PHF20: variants seen among roughly 807,000 people sequenced by gnomAD.
PHF20 encodes the protein PHD finger protein 20, also known as glioma-expressed antigen 2.
In PHF20, 23 loss-of-function variants were observed where a neutral mutation model predicts 113.5. The ratio of observed to expected loss-of-function variants is 0.20; its 90% CI spans 0.15 to 0.29. The LOEUF is 0.29. PHF20 is among the 10% of genes least tolerant of loss of function. PHF20 has a pLI of 1.00. For synonymous variants in PHF20, 434 were observed against 457.3 expected (o/e 0.95, Z 0.65); for missense variants, 943 against 1,219.6 (o/e 0.77, Z 3.38).
chr20:35,853,050 C>T (rs1600828319), intron 4 of PHF20, among the ~76,000 whole-genome samples: 2 of 149,796 alleles, frequency 1.3e-5, no homozygotes, highest in Non-Finnish European at 3.0e-5. Context: ...TGGTGAAACC[C>T]GTCTCTACTA....
chr20:35,825,244 A>T (rs1434302489), intron 2 of PHF20, among the ~76,000 whole-genome samples: 1 of 151,792 alleles, frequency 6.6e-6, no homozygotes, highest in African/African-American at 2.4e-5. Flanking sequence ...CTGGACTCAA[A>T]CTCCTGGGCT....
rs34412788 is a variant in PHF20 at position 35,904,277 on chromosome 20, ATTTT to A, written c.1561+4651_1561+4654del. Among the ~76,000 whole-genome samples, 58 of 98,916 alleles carry A rather than the reference ATTTT, an allele frequency of 5.9e-4. 1 individual carries two copies. Among genetic ancestry groups the A allele is most frequent in the Middle Eastern group, 0.014 (2 of 140 alleles). The allele number at this position is 98,916 out of a possible 152,430, so 64.9% of individuals were successfully genotyped here. A position where few individuals can be genotyped will look rare whatever the true frequency, so the allele number is the denominator to read the frequency against. Reference sequence around the variant, plus strand: ...TACCCCCTTTATGCTGAATGCTCTGATTTTTTTTTTTTTTTTTTTTTTTTTGAGA... The same window carrying A: ...TACCCCCTTTATGCTGAATGCTCTGATTTTTTTTTTTTTTTTTTTTTGAGA... On this transcript the variant is annotated intron_variant, in intron 10 of 17. Coordinates refer to ENST00000374012, the MANE Select transcript of PHF20 (RefSeq NM_016436.5).
intron 5 of PHF20, among the ~76,000 whole-genome samples, chr20:35,859,684 C>T (rs1160296708): frequency 6.6e-6 from 1 of 151,804 alleles, no homozygotes; most frequent in Non-Finnish European, 1.5e-5. Flanking sequence ...GTAGCTGAGA[C>T]TAGGCGCGTG....
intron 1 of PHF20, among the ~76,000 whole-genome samples, chr20:35,799,925 A>C (rs2041746472): frequency 6.6e-6 from 1 of 152,144 alleles, no homozygotes; most frequent in African/African-American, 2.4e-5. Context: ...TCGGCTTCCC[A>C]AAGTGTTGGG....
At chr20:35,791,661 G>C (rs1406844968) in intron 1 of PHF20, among the ~76,000 whole-genome samples, 5 of 151,308 alleles carry the variant, frequency 3.3e-5, no homozygotes, top group African/African-American at 4.9e-5. Flanking sequence ...TTTGGATCTG[G>C]GGAAGGTATA....
chr20:35,929,359 C>T lies in PHF20; in HGVS notation c.2104+1480C>T, dbSNP rs1474388663. Among the ~76,000 whole-genome samples the T allele has an allele frequency of 2.0e-5, 3 of 152,254 alleles. No homozygotes were observed. In the East Asian group the frequency reaches 5.8e-4, roughly 29 times the overall value. Reference sequence around the variant, plus strand: ...TGACACTGTCTCCTTGTACTAGAAGCATCTGCCTCCACTTGTCCCTTTATC... The same window carrying T: ...TGACACTGTCTCCTTGTACTAGAAGTATCTGCCTCCACTTGTCCCTTTATC... On this transcript the variant is annotated intron_variant, in intron 14 of 17. Coordinates refer to ENST00000374012, the MANE Select transcript of PHF20 (RefSeq NM_016436.5).
chr20:35,947,333 ATGG>A, intron 17 of PHF20, 149 bp from the exon 18 acceptor site: 1 of 644,032 alleles, frequency 1.6e-6, no homozygotes, highest in South Asian at 2.5e-5. Flanking sequence ...GCTGGCTGAA[ATGG>A]CCCTTCCTCC....
chr20:35,788,408 T>C (rs2041469218), intron 1 of PHF20, among the ~76,000 whole-genome samples: 1 of 151,968 alleles, frequency 6.6e-6, no homozygotes, highest in African/African-American at 2.4e-5. Context: ...TTTTTTTTAT[T>C]TTTTGTAGAG....
At chr20:35,915,050 T>A (rs1205974265) in intron 12 of PHF20, among the ~76,000 whole-genome samples, 1 of 145,702 alleles carries the variant, frequency 6.9e-6, no homozygotes, top group Admixed American at 6.9e-5. Flanking sequence ...GTAAAATGTT[T>A]TATATATATA....
In PHF20 at chr20:35,863,014, A is replaced by G. The variant is rs766144678; in HGVS notation, c.422A>G (p.Asn141Ser). 19 of 1,558,778 alleles carry G rather than the reference A, an allele frequency of 1.2e-5. No individual in the cohort carries two copies. In the African/African-American group the frequency reaches 1.4e-4, roughly 11 times the overall value. ...IHVKAFSKDQNIVGNARPKET... is the reference protein window; with the variant it reads ...IHVKAFSKDQSIVGNARPKET... The stretch of plus-strand genomic sequence containing the variant: ...TCATCGCTATTTTGCTCATTTTAGA[A>G]TATTGTGGGTAATGCTAGGCCTAAA... The change falls in exon 6 of 18, where the codon AAT becomes AGT. Residue 141 changes from asparagine (N) to serine (S), a missense_variant and splice_region_variant. Physicochemically the swap from Asn to Ser is conservative, Grantham distance 46 (BLOSUM62 1). Around this residue, in one of 3 missense-constraint regions of PHF20, gnomAD observed 592 missense variants for 787.2 expected, o/e 0.75. Transcript: ENST00000374012.
At chr20:35,808,012 G>A (rs1243835405) in intron 2 of PHF20, among the ~76,000 whole-genome samples, 1 of 152,042 alleles carries the variant, frequency 6.6e-6, no homozygotes, top group Non-Finnish European at 1.5e-5. Flanking sequence ...ATATGAAGGG[G>A]GAAAAGGGTG....
chr20:35,783,958 C>G (rs2041355028), intron 1 of PHF20, among the ~76,000 whole-genome samples: 1 of 151,942 alleles, frequency 6.6e-6, no homozygotes, highest in South Asian at 2.1e-4. Flanking sequence ...GCACTCTAGC[C>G]TGGGCAACAA....
intron 16 of PHF20, among the ~76,000 whole-genome samples, 165 bp downstream of exon 16, chr20:35,939,273 G>T (rs1472904922): frequency 6.6e-6 from 1 of 152,164 alleles, no homozygotes; most frequent in East Asian, 1.9e-4. Flanking sequence ...AGTCAGGAGA[G>T]CCCACTTAAG....
intron 9 of PHF20, among the ~76,000 whole-genome samples, chr20:35,886,152 T>C (rs2054727235): frequency 6.6e-6 from 1 of 151,720 alleles, no homozygotes; most frequent in African/African-American, 2.4e-5. Flanking sequence ...TTTTTTTTTT[T>C]TTTTGAGACA....
chr20:35,942,529 G>A (rs2056002665), intron 17 of PHF20, among the ~76,000 whole-genome samples: 1 of 152,142 alleles, frequency 6.6e-6, no homozygotes, highest in Admixed American at 6.5e-5. Context: ...TCTTCAGCCA[G>A]GTTTGGCCTC....
At chr20:35,776,352 G>C (rs1480625941) in intron 1 of PHF20, among the ~76,000 whole-genome samples, 1 of 152,100 alleles carries the variant, frequency 6.6e-6, no homozygotes, top group Non-Finnish European at 1.5e-5. Context: ...TATGTTCCCC[G>C]ACCTCGAATG....
intron 2 of PHF20, among the ~76,000 whole-genome samples, chr20:35,809,945 T>C (rs1401708295): frequency 6.6e-6 from 1 of 152,198 alleles, no homozygotes; most frequent in African/African-American, 2.4e-5. Context: ...TATTTATTTT[T>C]TGAGACGGAG....
intron 15 of PHF20, among the ~76,000 whole-genome samples, chr20:35,936,596 T>G (rs182522894): frequency 6.6e-6 from 1 of 152,322 alleles, no homozygotes; most frequent in African/African-American, 2.4e-5. Flanking sequence ...ACAAACTTTT[T>G]TCTTTGGAAT....
At chr20:35,853,090 C>T (rs1208302032) in intron 4 of PHF20, among the ~76,000 whole-genome samples, 4 of 150,262 alleles carry the variant, frequency 2.7e-5, no homozygotes, top group Non-Finnish European at 5.9e-5. Flanking sequence ...GGCTTGGTGG[C>T]GCGCACCTGT....
Sources: allele counts gnomAD v4.1 joint callset (sites outside exome capture counted in the v4.1 genomes callset), GRCh38; gene constraint gnomAD v4.1.1; regional missense constraint gnomAD v4.1.1; transcripts MANE v1.5; gene names NCBI Gene and HGNC (gene_info 2026-07-23, HGNC 2026-07-21).